Variants in INHBB observed in about 807,000 individuals in gnomAD.
INHBB encodes inhibin beta B chain.
INHBB carries 8 observed loss-of-function variants against 28.9 expected under a neutral mutation model. The observed-to-expected ratio is 0.28, with a 90% CI of 0.16 to 0.50. The LOEUF (loss-of-function observed/expected upper bound fraction) is 0.50, where lower values mean the gene tolerates loss of function less well. INHBB is among the 20% of genes least tolerant of loss of function. The pLI is 0.98. For synonymous variants in INHBB, 293 were observed against 262.7 expected, an observed-to-expected ratio of 1.12 and a Z score of -1.12; for missense variants, 499 against 597.8, an observed-to-expected ratio of 0.83 and a Z score of 1.72.
rs2104572493 is a variant in INHBB at position 120,346,178 on chromosome 2, A to C, written c.-11A>C. 1 of 1,160,320 alleles carries C rather than the reference A, an allele frequency of 8.6e-7. No homozygotes were observed. The highest frequency in any genetic ancestry group is 4.0e-5 in the East Asian group (1 of 24,880). 71.9% of individuals were successfully genotyped at this position (1,160,320 alleles called of 1,614,324 possible). A position where few individuals can be genotyped will look rare whatever the true frequency, so the allele number is the denominator to read the frequency against. On this transcript the variant is annotated 5_prime_UTR_variant, in exon 1 of 2. Transcript: ENST00000295228. ...CCTCGCGGCGGGCGCCCTCGTCGCC[A>C]GCGGCGCACCATGGACGGGCTGCCC...
intron 1 of INHBB, among the ~76,000 whole-genome samples, chr2:120,347,401 C>G (rs139500078): frequency 1.0e-4 from 15 of 149,972 alleles, no homozygotes; most frequent in African/African-American, 2.0e-4. Flanking sequence ...ATCCGCCCCC[C>G]CCCCCGGCCC....
At chr2:120,346,677 G>A (rs942261276) in intron 1 of INHBB, 41 bp downstream of exon 1, 3 of 1,384,806 alleles carry the variant, frequency 2.2e-6, no homozygotes, top group East Asian at 3.0e-5. Context: ...GTCCCCGCTC[G>A]CTCCCGCTCT....
chr2:120,350,230 A>AC lies in INHBB; in HGVS notation c.*356_*357insC. ...GTCAGTCGGAGAGAATGGGGTGAGC[A>AC]GCCACCATTCCCACCAGCTGGCCCG... On this transcript the variant is annotated 3_prime_UTR_variant, in exon 2 of 2. Coordinates refer to ENST00000295228, the MANE Select transcript of INHBB (RefSeq NM_002193.4). 1 of 271,834 alleles carries AC rather than the reference A, an allele frequency of 3.7e-6. No homozygotes were observed. Among genetic ancestry groups the AC allele is most frequent in the Admixed American group, 4.9e-5 (1 of 20,214 alleles). 16.8% of individuals were successfully genotyped at this position (271,834 alleles called of 1,614,324 possible).
rs1409949193 is a variant in INHBB at position 120,346,210 on chromosome 2, G to A, written c.22G>A (p.Ala8Thr). 3.2e-5 allele frequency: 39 copies of A among 1,205,556 alleles called. No homozygotes were observed. The highest frequency in any genetic ancestry group is 3.9e-5 in the Non-Finnish European group (38 of 971,870). The allele number at this position is 1,205,556 out of a possible 1,614,324, so 74.7% of individuals were successfully genotyped here. A position where few individuals can be genotyped will look rare whatever the true frequency, so the allele number is the denominator to read the frequency against. The part of the protein sequence containing the change: MDGLPGR[A>T]LGAACLLLLA... The stretch of plus-strand genomic sequence containing the variant: ...CACCATGGACGGGCTGCCCGGTCGG[G>A]CGCTGGGGGCCGCCTGCCTTCTGCT... The change falls in exon 1 of 2, where the codon GCG becomes ACG. Residue 8 changes from alanine to threonine, a missense_variant. Ala to Thr is a moderately conservative substitution (Grantham distance 58). This residue lies in a region of INHBB where 385 missense variants were observed against 415.2 expected (regional missense o/e 0.93). Transcript: ENST00000295228.
chr2:120,349,865 C>G lies in INHBB; in HGVS notation c.1215C>G (p.Gly405=). The G allele has an allele frequency of 6.2e-7, 1 of 1,608,228 alleles. No individual in the cohort carries two copies. Among genetic ancestry groups the G allele is most frequent in the Non-Finnish European group, 8.5e-7 (1 of 1,176,554 alleles). ...DVPNMIVEEC[G]CA is the part of the protein sequence containing the mutation. The stretch of plus-strand genomic sequence containing the variant: ...CCAACATGATTGTGGAGGAGTGCGG[C>G]TGCGCCTGACAGTGCAAGGCAGGGG... The change falls in exon 2 of 2, where the codon GGC becomes GGG. Residue 405 remains glycine, a synonymous_variant. Coordinates refer to ENST00000295228, the MANE Select transcript of INHBB (RefSeq NM_002193.4). The surrounding 1 kb of genome is among the most constrained non-coding windows in gnomAD (Gnocchi z 5.6).
chr2:120,346,730 C>T (rs1691163080), intron 1 of INHBB, 94 bp downstream of exon 1: 2 of 1,268,182 alleles, frequency 1.6e-6, no homozygotes, highest in East Asian at 3.2e-5. Flanking sequence ...GCCACCGCAG[C>T]CCGCGCGCCC....
intron 1 of INHBB, among the ~76,000 whole-genome samples, chr2:120,347,465 C>T (rs1271236896): frequency 7.2e-6 from 1 of 138,162 alleles, no homozygotes; most frequent in East Asian, 2.4e-4. Flanking sequence ...AGAGAAAAAT[C>T]TTTCGGAACT....
At position 120,346,326 on chromosome 2, in the gene INHBB, A is replaced by G; in HGVS notation, c.138A>G (p.Gly46=). The change falls in exon 1 of 2, where the codon GGA becomes GGG. Residue 46 remains glycine (G), a synonymous_variant. Transcript: ENST00000295228. The stretch of plus-strand genomic sequence containing the variant: ...CGCCGCCGCCACCCCCGCCACCCGG[A>G]TCCCCGGGTGGCTCGCAGGACACCT... ...PAAPPPPPPP[G]SPGGSQDTCT... The G allele has an allele frequency of 1.5e-6, 2 of 1,354,954 alleles. No homozygotes were observed. The highest frequency in any genetic ancestry group is 1.9e-6 in the Non-Finnish European group (2 of 1,055,968). The allele number at this position is 1,354,954 out of a possible 1,614,324, so 83.9% of individuals were successfully genotyped here. A position where few individuals can be genotyped will look rare whatever the true frequency, so the allele number is the denominator to read the frequency against.
chr2:120,346,140 T>G lies in INHBB; in HGVS notation c.-49T>G. 9.6e-7 allele frequency: 1 copy of G among 1,040,296 alleles called. No individual in the cohort carries two copies. The allele number at this position is 1,040,296 out of a possible 1,614,324, so 64.4% of individuals were successfully genotyped here. ...CCCGGAGCCCGGCCCTGCGCTCGGC[T>G]CGACTCGGCTCGCCTCGCGGCGGGC... On this transcript the variant is annotated 5_prime_UTR_variant, in exon 1 of 2. Coordinates refer to ENST00000295228, the MANE Select transcript of INHBB (RefSeq NM_002193.4).
rs949139990 is a variant in INHBB at position 120,351,265 on chromosome 2, T to C, written c.*1391T>C. 13 of 152,554 alleles carry C rather than the reference T, an allele frequency of 8.5e-5. No homozygotes were observed. Among genetic ancestry groups the C allele is most frequent in the African/African-American group, 3.1e-4 (13 of 41,470 alleles). The allele number at this position is 152,554 out of a possible 1,614,324, so 9.5% of individuals were successfully genotyped here. On this transcript the variant is annotated 3_prime_UTR_variant, in exon 2 of 2. Coordinates refer to ENST00000295228, the MANE Select transcript of INHBB (RefSeq NM_002193.4). The stretch of plus-strand genomic sequence containing the variant: ...ACGAAACTGGACTCGTACGACTCTT[T>C]TTATATTTTTTATACTTGAAATGAA...
In INHBB at chr2:120,350,523, AACCCGTCAGAG is replaced by A. The variant is rs1014462503; in HGVS notation, c.*653_*663del. The A allele has an allele frequency of 1.3e-4, 20 of 152,324 alleles. No homozygotes were observed. The highest frequency in any genetic ancestry group is 4.6e-4 in the African/African-American group (19 of 41,370). The allele number at this position is 152,324 out of a possible 1,614,324, so 9.4% of individuals were successfully genotyped here. A position where few individuals can be genotyped will look rare whatever the true frequency, so the allele number is the denominator to read the frequency against. ...AGGGAAAGAGACCCAGAAAGGACACAACCCGTCAGAGACCTGGGAGCAGGGGCAATGACCGT... is the reference window on the plus strand; with the variant it reads ...AGGGAAAGAGACCCAGAAAGGACACAACCTGGGAGCAGGGGCAATGACCGT... On this transcript the variant is annotated 3_prime_UTR_variant, in exon 2 of 2. Transcript: ENST00000295228.
Position 120,346,337 on chromosome 2 carries a change from G to T in INHBB, c.149G>T (p.Gly50Val). The stretch of plus-strand genomic sequence containing the variant: ...CCCCCGCCACCCGGATCCCCGGGTG[G>T]CTCGCAGGACACCTGTACGTCGTGC... ...PPPPPPGSPG[G>V]SQDTCTSCGG... is the part of the protein sequence containing the mutation. The change falls in exon 1 of 2, where the codon GGC (glycine) becomes GTC (valine). Residue 50 changes from glycine to valine, a missense_variant. By Grantham distance (109) the Gly-to-Val change is moderately radical. Around this residue, in one of 2 missense-constraint regions of INHBB, gnomAD observed 385 missense variants for 415.2 expected, o/e 0.93. Transcript: ENST00000295228. 1 of 1,396,210 alleles carries T rather than the reference G, an allele frequency of 7.2e-7. No individual in the cohort carries two copies. The highest frequency in any genetic ancestry group is 9.2e-7 in the Non-Finnish European group (1 of 1,081,802). The allele number at this position is 1,396,210 out of a possible 1,614,324, so 86.5% of individuals were successfully genotyped here. A position where few individuals can be genotyped will look rare whatever the true frequency, so the allele number is the denominator to read the frequency against.
rs1691231533 is a variant in INHBB at position 120,349,950 on chromosome 2, G to A, written c.*76G>A. 1 of 1,422,270 alleles carries A rather than the reference G, an allele frequency of 7.0e-7. No individual in the cohort carries two copies. The allele number at this position is 1,422,270 out of a possible 1,614,324, so 88.1% of individuals were successfully genotyped here. On this transcript the variant is annotated 3_prime_UTR_variant, in exon 2 of 2. Coordinates refer to ENST00000295228, the MANE Select transcript of INHBB (RefSeq NM_002193.4). This position sits in a 1 kb window ranked among gnomAD's most constrained non-coding sequence, Gnocchi z 5.6. ...GGCTTCTTCCAGCCCCCGCGGGAACGGGGGTACACGGTGGGCTGAGTACAG... is the reference window on the plus strand; with the variant it reads ...GGCTTCTTCCAGCCCCCGCGGGAACAGGGGTACACGGTGGGCTGAGTACAG...
chr2:120,348,222 GAA>G (rs71396084), intron 1 of INHBB, among the ~76,000 whole-genome samples: 25 of 77,834 alleles, frequency 3.2e-4, no homozygotes, highest in African/African-American at 5.2e-4. Flanking sequence ...TGTTCTTCCT[GAA>G]AAAAAAAAAA....
In INHBB at chr2:120,349,701, C is replaced by T; in HGVS notation, c.1051C>T (p.His351Tyr). 2 of 1,613,868 alleles carry T rather than the reference C, an allele frequency of 1.2e-6. No homozygotes were observed. The highest frequency in any genetic ancestry group is 1.7e-6 in the Non-Finnish European group (2 of 1,180,042). ...GGTCCCCGGCTCTGCCTCCTCCTTC[C>T]ACACGGCTGTGGTGAACCAGTACCG... ...AGVPGSASSF[H>Y]TAVVNQYRMR... The change falls in exon 2 of 2, where the codon CAC becomes TAC. Residue 351 changes from histidine to tyrosine, a missense_variant. His to Tyr is a moderately conservative substitution (Grantham distance 83). Transcript: ENST00000295228. This position sits in a 1 kb window ranked among gnomAD's most constrained non-coding sequence, Gnocchi z 5.6.
rs1465428596 is a variant in INHBB, at chr2:120,351,382, G to T, written c.*1508G>T. On this transcript the variant is annotated 3_prime_UTR_variant, in exon 2 of 2. Coordinates refer to ENST00000295228, the MANE Select transcript of INHBB (RefSeq NM_002193.4). ...GTCAGAAACTGCCATTTGAAAAAAA[G>T]TTATTTTTATAGCAGCAAAAAAAAA... 7.0e-6 allele frequency: 1 copy of T among 143,734 alleles called. No homozygotes were observed. Among genetic ancestry groups the T allele is most frequent in the Non-Finnish European group, 1.5e-5 (1 of 65,980 alleles). 8.9% of individuals were successfully genotyped at this position (143,734 alleles called of 1,614,324 possible).
In INHBB at chr2:120,349,862, C is replaced by T. The variant is rs112922284; in HGVS notation, c.1212C>T (p.Cys404=). ...TGCCCAACATGATTGTGGAGGAGTG[C>T]GGCTGCGCCTGACAGTGCAAGGCAG... The part of the protein sequence containing the change: ...RDVPNMIVEE[C]GCA The change falls in exon 2 of 2, where the codon TGC becomes TGT. Residue 404 remains cysteine (C), a synonymous_variant. Coordinates refer to ENST00000295228, the MANE Select transcript of INHBB (RefSeq NM_002193.4). This position sits in a 1 kb window ranked among gnomAD's most constrained non-coding sequence, Gnocchi z 5.6. The T allele has an allele frequency of 4.3e-5, 69 of 1,609,650 alleles. 1 individual carries two copies. The highest frequency in any genetic ancestry group is 2.9e-4 in the African/African-American group (22 of 75,000).
At chr2:120,347,019 A>T (rs985872564) in intron 1 of INHBB, among the ~76,000 whole-genome samples, 3 of 152,108 alleles carry the variant, frequency 2.0e-5, no homozygotes, top group Non-Finnish European at 4.4e-5. Flanking sequence ...TAGGCTTAGC[A>T]GTGTGGATGG....
intron 1 of INHBB, among the ~76,000 whole-genome samples, chr2:120,348,556 A>C (rs1263196428): frequency 6.7e-6 from 1 of 149,250 alleles, no homozygotes; most frequent in Non-Finnish European, 1.5e-5. Flanking sequence ...GCTTGTTTGC[A>C]GTGGAGGTTC....
Sources: gnomAD v4.1 joint callset for allele counts (sites outside exome capture counted in the v4.1 genomes callset) on GRCh38, gnomAD v4.1.1 for gene constraint, gnomAD v4.1.1 regional missense constraint, Gnocchi (gnomAD v3.1) non-coding constraint, MANE v1.5 for transcripts, NCBI Gene and HGNC (gene_info 2026-07-23, HGNC 2026-07-21) for gene names.